The following SFXN5 variants were observed in gnomAD, a reference collection of about 807,000 sequenced individuals.
SFXN5 encodes sideroflexin 5.
A neutral mutation model predicts 50.2 loss-of-function variants in SFXN5; 43 were observed. The observed-to-expected ratio is 0.86, with a 90% CI of 0.67 to 1.11. The LOEUF (loss-of-function observed/expected upper bound fraction) is 1.11, where lower values mean the gene tolerates loss of function less well. Among genes scored for constraint, SFXN5 ranks in the 50% least tolerant of loss-of-function variants. The pLI, the probability that SFXN5 is intolerant of heterozygous loss-of-function variation, is 0.00. For missense variants in SFXN5, 463 were observed against 454.1 expected, an observed-to-expected ratio of 1.02 and a Z score of -0.18; for synonymous variants, 203 against 185.8, an observed-to-expected ratio of 1.09 and a Z score of -0.75.
rs988431180 is a variant in SFXN5 at position 72,969,016 on chromosome 2, C to A, written c.742-483G>T. Among the ~76,000 whole-genome samples the A allele has an allele frequency of 5.3e-5, 8 of 152,228 alleles. No homozygotes were observed. The East Asian group carries it at 1.5e-3, about 29-fold the overall frequency. ...TGGGATGGGGTTTCGCCATGTTGGC[C>A]AGGCTGGTCTCGAACTCCTGACCTC... On this transcript the variant is annotated intron_variant, in intron 11 of 13. Coordinates refer to ENST00000272433, the MANE Select transcript of SFXN5 (RefSeq NM_144579.3).
chr2:73,050,388 G>GCGCACACACACACACACACACACACA lies in SFXN5; in HGVS notation c.171+8139_171+8140insTGTGTGTGTGTGTGTGTGTGTGTGCG. ...GTGGAGGTAGCGCCGCAGCCACAGC[G>GCGCACACACACACACACACACACACA]CACGCACACACACACACACACACAC... On this transcript the variant is annotated intron_variant, in intron 2 of 13. Coordinates refer to ENST00000272433, the MANE Select transcript of SFXN5 (RefSeq NM_144579.3). 2.1e-3 allele frequency among the ~76,000 whole-genome samples: 306 copies of GCGCACACACACACACACACACACACA among 143,896 alleles called. 3 individuals carry two copies. Among genetic ancestry groups the GCGCACACACACACACACACACACACA allele is most frequent in the East Asian group, 4.6e-3 (22 of 4,740 alleles). The allele number at this position is 143,896 out of a possible 152,430, so 94.4% of individuals were successfully genotyped here.
chr2:72,987,378 G>A lies in SFXN5; in HGVS notation c.625+880C>T, dbSNP rs527830315. Among the ~76,000 whole-genome samples the A allele has an allele frequency of 1.0e-3, 154 of 152,104 alleles. 1 individual carries two copies. In the South Asian group the frequency reaches 0.018, roughly 18 times the overall value. ...CTACCTCGGCCTCCCAAAGTGCTGGGATTACAGGCATGAGCTACCACACCC... is the reference window on the plus strand; with the variant it reads ...CTACCTCGGCCTCCCAAAGTGCTGGAATTACAGGCATGAGCTACCACACCC... On this transcript the variant is annotated intron_variant, in intron 10 of 13. Coordinates refer to ENST00000272433, the MANE Select transcript of SFXN5 (RefSeq NM_144579.3).
At chr2:73,008,020 T>C (rs532366566) in intron 6 of SFXN5, among the ~76,000 whole-genome samples, 19 of 152,036 alleles carry the variant, frequency 1.2e-4, no homozygotes, top group Non-Finnish European at 2.1e-4. Context: ...AACATTGGGA[T>C]TGGGATTTAA....
rs1005374589 is a variant in SFXN5, at chr2:73,026,836, C to T, written c.250-3622G>A. ...CTCCACCTCCCAGGTTCAAGCGATT[C>T]TCCTGCCTCAGCCTCCCGAGTAGCT... On this transcript the variant is annotated intron_variant, in intron 3 of 13. Coordinates refer to ENST00000272433, the MANE Select transcript of SFXN5 (RefSeq NM_144579.3). 3.3e-5 allele frequency among the ~76,000 whole-genome samples: 5 copies of T among 152,274 alleles called. No individual in the cohort carries two copies. In the South Asian group the frequency reaches 8.3e-4, roughly 25 times the overall value.
intron 3 of SFXN5, among the ~76,000 whole-genome samples, chr2:73,034,883 T>A (rs1164375048): frequency 6.6e-6 from 1 of 152,212 alleles, no homozygotes; most frequent in African/African-American, 2.4e-5. Context: ...TTTCAAAGAC[T>A]TTCTCAATCT....
chr2:72,958,257 T>C (rs1433911542), intron 13 of SFXN5, among the ~76,000 whole-genome samples: 8 of 152,078 alleles, frequency 5.3e-5, no homozygotes, highest in Admixed American at 4.6e-4. Flanking sequence ...CCAAGGTAGG[T>C]AAGGTGGTTG....
rs1051201590 is a variant in SFXN5 at position 73,022,445 on chromosome 2, C to T, written c.331+77G>A. ...GCTCTGTCCCCTCCTTAGGCCAGCA[C>T]ATCTGGATGCTCCTGGAACTGTGAC... On this transcript the variant is annotated intron_variant, in intron 5 of 13. Coordinates refer to ENST00000272433, the MANE Select transcript of SFXN5 (RefSeq NM_144579.3). 8 of 1,126,390 alleles carry T rather than the reference C, an allele frequency of 7.1e-6. No homozygotes were observed. In the African/African-American group the frequency reaches 1.1e-4, roughly 15 times the overall value. 69.8% of individuals were successfully genotyped at this position (1,126,390 alleles called of 1,614,324 possible). A position where few individuals can be genotyped will look rare whatever the true frequency, so the allele number is the denominator to read the frequency against.
Position 72,957,140 on chromosome 2 carries a change from C to A in SFXN5, c.945+3991G>T, listed in dbSNP as rs1008747202. ...CACATCCCCTTTCTCAGCTTCAACTCCCCCCCATACACTGAAGGTTCCGTA... is the reference window on the plus strand; with the variant it reads ...CACATCCCCTTTCTCAGCTTCAACTACCCCCCATACACTGAAGGTTCCGTA... On this transcript the variant is annotated intron_variant, in intron 13 of 13. Coordinates refer to ENST00000272433, the MANE Select transcript of SFXN5 (RefSeq NM_144579.3). The A allele has an allele frequency of 2.0e-5, 9 of 449,978 alleles. 1 individual carries two copies. Among genetic ancestry groups the A allele is most frequent in the South Asian group, 1.4e-4 (9 of 63,888 alleles). 27.9% of individuals were successfully genotyped at this position (449,978 alleles called of 1,614,324 possible).
intron 1 of SFXN5, among the ~76,000 whole-genome samples, chr2:73,069,614 T>C (rs1299545119): frequency 1.3e-5 from 2 of 152,178 alleles, no homozygotes; most frequent in East Asian, 1.9e-4. Flanking sequence ...CAAACACTTT[T>C]ACTGCCTTCA....
chr2:73,028,190 A>C (rs895731069), intron 3 of SFXN5, among the ~76,000 whole-genome samples: 6 of 152,176 alleles, frequency 3.9e-5, no homozygotes, highest in Non-Finnish European at 8.8e-5. Context: ...AAAATCACCT[A>C]ATGTCGTATT....
Position 72,995,210 on chromosome 2 carries a change from C to T in SFXN5, c.534+3739G>A, listed in dbSNP as rs144526695. On this transcript the variant is annotated intron_variant, in intron 9 of 13. Coordinates refer to ENST00000272433, the MANE Select transcript of SFXN5 (RefSeq NM_144579.3). ...CGTGTAGCCGGGGCCCAGGGAGGGC[C>T]GCCCACAGAAGTGCTTAATGCAAAC... Among the ~76,000 whole-genome samples, 16 of 152,276 alleles carry T rather than the reference C, an allele frequency of 1.1e-4. No homozygotes were observed. The East Asian group carries it at 1.5e-3, about 15-fold the overall frequency.
At chr2:72,968,393 C>T in intron 12 of SFXN5, 55 bp downstream of exon 12, 12 of 1,528,422 alleles carry the variant, frequency 7.9e-6, no homozygotes, top group Non-Finnish European at 1.1e-5. Flanking sequence ...GGTTCCCCCT[C>T]CCTCTCCCCC....
At chr2:73,014,185 A>G (rs1173468407) in intron 6 of SFXN5, among the ~76,000 whole-genome samples, 5 of 152,108 alleles carry the variant, frequency 3.3e-5, no homozygotes, top group African/African-American at 1.2e-4. Context: ...ATTTTTTGCT[A>G]TCATAAACAT....
chr2:73,071,625 C>A lies in SFXN5; in HGVS notation c.81G>T (p.Leu27=). 1 of 1,613,822 alleles carries A rather than the reference C, an allele frequency of 6.2e-7. No homozygotes were observed. Among genetic ancestry groups the A allele is most frequent in the South Asian group, 1.1e-5 (1 of 91,062 alleles). ...TCACCTGCTGGAAGCGGGGTTTGCC[C>A]AGTTGGAAAGGAGGTGCATCGCTCG... ...SASSDAPPFQ[L]GKPRFQQTSF... is the part of the protein sequence containing the mutation. The change falls in exon 1 of 14, where the codon CTG becomes CTT. Residue 27 remains leucine, a synonymous_variant. Transcript: ENST00000272433.
chr2:73,010,006 C>A (rs993244211), intron 6 of SFXN5, among the ~76,000 whole-genome samples: 1 of 152,228 alleles, frequency 6.6e-6, no homozygotes, highest in African/African-American at 2.4e-5. Context: ...ATGAGCCCCA[C>A]ATTCAACTTT....
At chr2:72,980,464 A>C (rs1184014166) in intron 10 of SFXN5, among the ~76,000 whole-genome samples, 1 of 152,216 alleles carries the variant, frequency 6.6e-6, no homozygotes, top group African/African-American at 2.4e-5. Context: ...GCTTGATTTC[A>C]CAAAAATCCC....
chr2:73,058,093 T>A (rs528850125), intron 2 of SFXN5: 1 of 157,476 alleles, frequency 6.4e-6, no homozygotes, highest in Admixed American at 6.1e-5. Flanking sequence ...AATAACCTGA[T>A]GTTAAAAGCC....
At chr2:72,948,994 G>A (rs1397866322) in intron 13 of SFXN5, among the ~76,000 whole-genome samples, 1 of 152,172 alleles carries the variant, frequency 6.6e-6, no homozygotes, top group Non-Finnish European at 1.5e-5. Context: ...AGAGTGCCAT[G>A]GCAACTGGGG....
chr2:72,984,015 C>A (rs909472744), intron 10 of SFXN5, among the ~76,000 whole-genome samples: 1 of 152,228 alleles, frequency 6.6e-6, no homozygotes, highest in African/African-American at 2.4e-5. Context: ...TAACGGAGGG[C>A]CCGCTCCGAG....
Sources: allele counts gnomAD v4.1 joint callset (sites outside exome capture counted in the v4.1 genomes callset), GRCh38; gene constraint gnomAD v4.1.1; transcripts MANE v1.5; gene names NCBI Gene and HGNC (gene_info 2026-07-23, HGNC 2026-07-21).